The following FAM149A variants were observed in gnomAD, a reference collection of about 807,000 sequenced individuals.
FAM149A encodes family with sequence similarity 149 member A, also known as protein FAM149A.
Under a neutral mutation model 78.2 loss-of-function variants are expected in FAM149A, and 71 were observed. That is an observed-to-expected ratio of 0.91 (90% CI 0.75 to 1.11). FAM149A has a LOEUF of 1.11. Among genes scored for constraint, FAM149A ranks in the 50% least tolerant of loss-of-function variants. The pLI, the probability that FAM149A is intolerant of heterozygous loss-of-function variation, is 0.00. For synonymous variants in FAM149A, 446 were observed against 410.5 expected, an observed-to-expected ratio of 1.09 and a Z score of -1.04; for missense variants, 1,036 against 971.0, an observed-to-expected ratio of 1.07 and a Z score of -0.89.
intron 1 of FAM149A, among the ~76,000 whole-genome samples, chr4:186,136,982 C>CTCTCTCTCTCTCTCTCTCTCTCTCTT (rs2099323385): frequency 3.3e-5 from 4 of 120,276 alleles, no homozygotes; most frequent in African/African-American, 1.3e-4. Flanking sequence ...CTCTTTCTCT[C>CTCTCTCTCTCTCTCTCTCTCTCTCTT]TCTCTCTCTC....
chr4:186,155,116 C>T (rs1202156317), intron 6 of FAM149A: 1 of 172,292 alleles, frequency 5.8e-6, no homozygotes, highest in Non-Finnish European at 1.2e-5. Context: ...GCGCCCACCA[C>T]CACGCCCGGA....
chr4:186,153,884 C>G, intron 5 of FAM149A, 114 bp downstream of exon 5: 1 of 1,158,912 alleles, frequency 8.6e-7, no homozygotes, highest in Non-Finnish European at 1.2e-6. Flanking sequence ...AATTTAGATT[C>G]TGATGAAGGG....
chr4:186,158,887 C>A (rs1734288281), intron 8 of FAM149A: 3 of 749,896 alleles, frequency 4.0e-6, no homozygotes, highest in Non-Finnish European at 4.9e-6. Context: ...GGAAATAAGG[C>A]CGATGGAAAA....
intron 1 of FAM149A, among the ~76,000 whole-genome samples, chr4:186,136,959 TC>T (rs2099323147): frequency 1.1e-3 from 121 of 105,428 alleles, no homozygotes; most frequent in African/African-American, 2.0e-3. Flanking sequence ...TCTCTCTCTC[TC>T]TCTTTCTCTC....
rs1265183005 is a variant in FAM149A, at chr4:186,122,577, T to C, written c.566+16935T>C. 2.6e-5 allele frequency among the ~76,000 whole-genome samples: 4 copies of C among 152,214 alleles called. No homozygotes were observed. The East Asian group carries it at 7.7e-4, about 29-fold the overall frequency. On this transcript the variant is annotated intron_variant, in intron 1 of 13. Transcript: ENST00000389354. ...GAATAAAATATGTTTCTGGATTTAATATGGTAAAATATTAACCATGGTTGA... is the reference window on the plus strand; with the variant it reads ...GAATAAAATATGTTTCTGGATTTAACATGGTAAAATATTAACCATGGTTGA...
At chr4:186,151,796 G>A in intron 3 of FAM149A, 107 bp from the exon 4 acceptor site, 1 of 1,482,408 alleles carries the variant, frequency 6.7e-7, no homozygotes, top group South Asian at 1.4e-5. Flanking sequence ...ACCAAGTGAT[G>A]CACCCTCCTA....
intron 1 of FAM149A, chr4:186,143,944 C>G (rs1038579275): frequency 6.6e-6 from 1 of 152,192 alleles, no homozygotes; most frequent in East Asian, 1.9e-4. Flanking sequence ...TCTGTAAATA[C>G]GGGATACTTG....
rs1256696480 is a variant in FAM149A, at chr4:186,149,227, T to A, written c.621T>A (p.Asp207Glu). Reference sequence around the variant, plus strand: ...ACGGTTTTACTGTGAGGAGCAAAGATTCTTTACCTACGCATTTTACAAGAA... The same window carrying A: ...ACGGTTTTACTGTGAGGAGCAAAGAATCTTTACCTACGCATTTTACAAGAA... The change falls in exon 2 of 14, where the codon GAT becomes GAA. Residue 207 changes from aspartate (D) to glutamate (E), a missense_variant. Asp to Glu is a conservative substitution (Grantham distance 45). This residue lies in a region of FAM149A where 716 missense variants were observed against 711.8 expected (regional missense o/e 1.01). Coordinates refer to ENST00000389354, the MANE Select transcript of FAM149A (RefSeq NM_001367768.3). 2.3e-6 allele frequency: 3 copies of A among 1,289,356 alleles called. No homozygotes were observed. Among genetic ancestry groups the A allele is most frequent in the Non-Finnish European group, 3.0e-6 (3 of 988,696 alleles). 79.9% of individuals were successfully genotyped at this position (1,289,356 alleles called of 1,614,324 possible).
rs776323707 is a variant in FAM149A, at chr4:186,157,967, C to T, written c.1575+248C>T. 52 of 1,513,182 alleles carry T rather than the reference C, an allele frequency of 3.4e-5. No homozygotes were observed. In the East Asian group the frequency reaches 4.1e-4, roughly 12 times the overall value. 93.7% of individuals were successfully genotyped at this position (1,513,182 alleles called of 1,614,324 possible). Reference sequence around the variant, plus strand: ...TCAAGTTCCTTGCGGTAGGAGCCCACGCAGGCGGCACCACCCTTGGCTTCC... The same window carrying T: ...TCAAGTTCCTTGCGGTAGGAGCCCATGCAGGCGGCACCACCCTTGGCTTCC... On this transcript the variant is annotated intron_variant, in intron 8 of 13. Coordinates refer to ENST00000389354, the MANE Select transcript of FAM149A (RefSeq NM_001367768.3).
intron 3 of FAM149A, among the ~76,000 whole-genome samples, chr4:186,150,727 CT>C (rs34234252): frequency 0.83 from 119,906 of 143,954 alleles, 50,065 homozygotes; most frequent in Non-Finnish European, 0.88. Flanking sequence ...CCTTTTCTCT[CT>C]TTTTTTTTTT....
Position 186,165,332 on chromosome 4 carries a change from G to A in FAM149A, c.1890-12G>A, listed in dbSNP as rs1350080789. ...GTACCTGGGTGCTCAGTGACATGAT[G>A]ATGTGTTGCAGGCCGACTGGCGTGG... On this transcript the variant is annotated splice_polypyrimidine_tract_variant and intron_variant, in intron 10 of 13. Transcript: ENST00000389354. The A allele has an allele frequency of 2.5e-6, 4 of 1,614,028 alleles. No homozygotes were observed. In the East Asian group the frequency reaches 6.7e-5, roughly 27 times the overall value.
chr4:186,165,050 T>TG (rs1734920258), intron 10 of FAM149A, among the ~76,000 whole-genome samples: 1 of 152,094 alleles, frequency 6.6e-6, no homozygotes, highest in Non-Finnish European at 1.5e-5. Context: ...CTCACCCGCC[T>TG]GGATTCTCAC....
chr4:186,108,905 T>G (rs866139116), intron 1 of FAM149A, among the ~76,000 whole-genome samples: 29 of 151,210 alleles, frequency 1.9e-4, no homozygotes, highest in South Asian at 6.3e-4. Context: ...TGGAGTGCAG[T>G]GGCGCGATCT....
intron 1 of FAM149A, chr4:186,125,928 A>G (rs2099318153): frequency 8.1e-6 from 8 of 985,350 alleles, no homozygotes; most frequent in Non-Finnish European, 9.6e-6. Context: ...TCGCACTGGC[A>G]AGAGCGCGAG....
At chr4:186,120,323 G>A (rs2099315422) in intron 1 of FAM149A, among the ~76,000 whole-genome samples, 1 of 152,168 alleles carries the variant, frequency 6.6e-6, no homozygotes, top group South Asian at 2.1e-4. Flanking sequence ...TGTGATAAAT[G>A]TAAGATTGAA....
intron 1 of FAM149A, chr4:186,127,575 GCAGTTT>G (rs2099318863): frequency 2.0e-6 from 2 of 985,320 alleles, no homozygotes; most frequent in Non-Finnish European, 2.4e-6. Flanking sequence ...CATGCGAGAA[GCAGTTT>G]CATGAGTGTT....
In FAM149A at chr4:186,122,253, G is replaced by A. The variant is rs567602998; in HGVS notation, c.566+16611G>A. The stretch of plus-strand genomic sequence containing the variant: ...GTCAGTGTCAGGTCTGGGGAAAGGC[G>A]GAAGAACCATTTTCTTTCTATATGA... On this transcript the variant is annotated intron_variant, in intron 1 of 13. Coordinates refer to ENST00000389354, the MANE Select transcript of FAM149A (RefSeq NM_001367768.3). Among the ~76,000 whole-genome samples, 21 of 152,246 alleles carry A rather than the reference G, an allele frequency of 1.4e-4. No homozygotes were observed. In the East Asian group the frequency reaches 1.5e-3, roughly 11 times the overall value.
chr4:186,161,076 C>G (rs1734571060), intron 8 of FAM149A, among the ~76,000 whole-genome samples: 1 of 151,926 alleles, frequency 6.6e-6, no homozygotes, highest in Non-Finnish European at 1.5e-5. Context: ...TCTATATAAT[C>G]CTTTGTAATT....
chr4:186,145,663 C>T (rs2126437591), intron 1 of FAM149A, among the ~76,000 whole-genome samples: 1 of 152,286 alleles, frequency 6.6e-6, no homozygotes, highest in South Asian at 2.1e-4. Flanking sequence ...CAAATGAGTG[C>T]AGTCTAGTTT....
Sources: gnomAD v4.1 joint callset for allele counts (sites outside exome capture counted in the v4.1 genomes callset) on GRCh38, gnomAD v4.1.1 for gene constraint, gnomAD v4.1.1 regional missense constraint, MANE v1.5 for transcripts, NCBI Gene and HGNC (gene_info 2026-07-23, HGNC 2026-07-21) for gene names.